The following PRKAG2 variants were observed in gnomAD, a reference collection of about 807,000 sequenced individuals.
PRKAG2 encodes 5'-AMP-activated protein kinase subunit gamma-2.
In PRKAG2, 26 loss-of-function variants were observed where a neutral mutation model predicts 69.6. The observed-to-expected ratio is 0.37, with a 90% CI of 0.27 to 0.52. PRKAG2 has a LOEUF of 0.52. Ranked by LOEUF, PRKAG2 falls within the 20% of genes least tolerant of loss-of-function variation. PRKAG2 has a pLI of 0.90. For missense variants in PRKAG2, 557 were observed against 740.0 expected (o/e 0.75, Z 2.87); for synonymous variants, 293 against 285.0 (o/e 1.03, Z -0.28).
At chr7:151,716,670 T>C (rs1023365734) in intron 3 of PRKAG2, among the ~76,000 whole-genome samples, 1 of 152,152 alleles carries the variant, frequency 6.6e-6, no homozygotes, top group East Asian at 1.9e-4. Context: ...ATAATCAACC[T>C]AAGAATGGGA....
At chr7:151,635,695 G>T (rs1326642632) in intron 4 of PRKAG2, among the ~76,000 whole-genome samples, 2 of 152,070 alleles carry the variant, frequency 1.3e-5, no homozygotes. Context: ...TGGGGTAGGG[G>T]GCCAGAGGTG....
chr7:151,657,862 T>C (rs1295017945), intron 4 of PRKAG2, among the ~76,000 whole-genome samples: 1 of 152,202 alleles, frequency 6.6e-6, no homozygotes, highest in Non-Finnish European at 1.5e-5. Flanking sequence ...ATATTGTGTT[T>C]AAAGAATGAT....
intron 3 of PRKAG2, chr7:151,736,208 CTG>C (rs1799774979): frequency 7.1e-7 from 1 of 1,400,898 alleles, no homozygotes; most frequent in Non-Finnish European, 9.3e-7. Context: ...GCCCCAGAGT[CTG>C]TGAGGCGCCA....
intron 8 of PRKAG2, among the ~76,000 whole-genome samples, chr7:151,573,578 A>G (rs1808208397): frequency 6.6e-6 from 1 of 152,060 alleles, no homozygotes; most frequent in Non-Finnish European, 1.5e-5. Flanking sequence ...GATTTCTTAT[A>G]TGGGATTTGC....
Position 151,777,728 on chromosome 7 carries a change from A to G in PRKAG2, c.466+3424T>C, listed in dbSNP as rs1207443091. Among the ~76,000 whole-genome samples, 4 of 152,180 alleles carry G rather than the reference A, an allele frequency of 2.6e-5. No individual in the cohort carries two copies. The highest frequency in any genetic ancestry group is 9.6e-5 in the African/African-American group (4 of 41,452). ...TCATTACCTGGGCGGAGGCCAAGCT[A>G]ACAAAGGGAGGAATTTAGTTTATAG... is the stretch of plus-strand genomic sequence containing the variant. On this transcript the variant is annotated intron_variant, in intron 3 of 15. Transcript: ENST00000287878. The surrounding 1 kb of genome is among the most constrained non-coding windows in gnomAD (Gnocchi z 4.3).
intron 1 of PRKAG2, among the ~76,000 whole-genome samples, chr7:151,844,309 C>G (rs1012010931): frequency 2.0e-5 from 3 of 152,158 alleles, no homozygotes; most frequent in African/African-American, 7.2e-5. Flanking sequence ...GACCTCATCC[C>G]TAACACCTCG....
intron 1 of PRKAG2, among the ~76,000 whole-genome samples, chr7:151,811,167 A>C (rs992107918): frequency 2.6e-5 from 4 of 152,218 alleles, no homozygotes. Context: ...TCAAAAACTC[A>C]GTTGCTCCCA....
intron 1 of PRKAG2, among the ~76,000 whole-genome samples, chr7:151,833,445 C>A (rs964561752): frequency 6.6e-6 from 1 of 152,146 alleles, no homozygotes; most frequent in Non-Finnish European, 1.5e-5. Flanking sequence ...AGGGTGGAAG[C>A]GGCAGGGAGG....
intron 1 of PRKAG2, among the ~76,000 whole-genome samples, chr7:151,854,880 A>C (rs1434493843): frequency 6.6e-6 from 1 of 151,950 alleles, no homozygotes; most frequent in East Asian, 1.9e-4. Context: ...AGGATGGCTG[A>C]GGGCTCCATA....
rs1309497998 is a variant in PRKAG2 at position 151,583,101 on chromosome 7, G to A, written c.865-6649C>T. 6.6e-6 allele frequency among the ~76,000 whole-genome samples: 1 copy of A among 152,038 alleles called. No homozygotes were observed. Among genetic ancestry groups the A allele is most frequent in the Non-Finnish European group, 1.5e-5 (1 of 68,040 alleles). ...AGTGGTATGATCACGGCTCACTGCA[G>A]CCTCAACCTCGTAGGCTCAAGTGAT... On this transcript the variant is annotated intron_variant, in intron 6 of 15. Coordinates refer to ENST00000287878, the MANE Select transcript of PRKAG2 (RefSeq NM_016203.4). This position sits in a 1 kb window ranked among gnomAD's most constrained non-coding sequence, Gnocchi z 4.1.
At chr7:151,623,190 C>T (rs533135671) in intron 5 of PRKAG2, among the ~76,000 whole-genome samples, 97 of 151,860 alleles carry the variant, frequency 6.4e-4, no homozygotes, top group Non-Finnish European at 2.9e-4. Flanking sequence ...CATGGTAAAA[C>T]CCCGTCTCTA....
intron 3 of PRKAG2, among the ~76,000 whole-genome samples, chr7:151,743,395 T>C (rs1490862094): frequency 6.6e-6 from 1 of 152,156 alleles, no homozygotes; most frequent in African/African-American, 2.4e-5. Flanking sequence ...ATTCTGACAC[T>C]AGGTTTATAA....
At chr7:151,578,928 A>C (rs1311392673) in intron 6 of PRKAG2, among the ~76,000 whole-genome samples, 1 of 152,242 alleles carries the variant, frequency 6.6e-6, no homozygotes, top group Non-Finnish European at 1.5e-5. Context: ...ATTTTAAAAC[A>C]CACTGAATAT....
intron 5 of PRKAG2, among the ~76,000 whole-genome samples, chr7:151,630,075 C>T (rs1443709846): frequency 1.3e-5 from 2 of 152,138 alleles, no homozygotes; most frequent in African/African-American, 4.8e-5. Flanking sequence ...CCTTAAGAAT[C>T]TAGAAAAGTT....
intron 3 of PRKAG2, among the ~76,000 whole-genome samples, chr7:151,681,608 C>G (rs372351913): frequency 6.6e-6 from 1 of 151,676 alleles, no homozygotes; most frequent in African/African-American, 2.4e-5. Flanking sequence ...TTGCACGATG[C>G]CACCCTGTTT....
At chr7:151,706,557 G>C (rs1838642806) in intron 3 of PRKAG2, among the ~76,000 whole-genome samples, 1 of 152,192 alleles carries the variant, frequency 6.6e-6, no homozygotes, top group Non-Finnish European at 1.5e-5. Flanking sequence ...GAAAGCCAGA[G>C]TACGAGCAAC....
chr7:151,804,849 C>A (rs892030343), intron 1 of PRKAG2, among the ~76,000 whole-genome samples: 1 of 152,130 alleles, frequency 6.6e-6, no homozygotes, highest in Admixed American at 6.5e-5. Context: ...GGTTTTGTTG[C>A]GGCTGCTGTT....
At chr7:151,762,370 CAT>C (rs1041620548) in intron 3 of PRKAG2, among the ~76,000 whole-genome samples, 9 of 152,296 alleles carry the variant, frequency 5.9e-5, no homozygotes, top group South Asian at 2.1e-4. Context: ...TACTCACACA[CAT>C]ATGTTAATTC....
Position 151,632,150 on chromosome 7 carries a change from G to A in PRKAG2, c.685-12C>T, listed in dbSNP as rs1824697718. ...GCCGCCAGCGCCGCCTGAGGGGGAG[G>A]AGGAGGACAGCGATCAGCATGAGCT... On this transcript the variant is annotated splice_polypyrimidine_tract_variant and intron_variant, in intron 4 of 15. Coordinates refer to ENST00000287878, the MANE Select transcript of PRKAG2 (RefSeq NM_016203.4). This position sits in a 1 kb window ranked among gnomAD's most constrained non-coding sequence, Gnocchi z 4.2. 2 of 1,386,316 alleles carry A rather than the reference G, an allele frequency of 1.4e-6. No individual in the cohort carries two copies. Among genetic ancestry groups the A allele is most frequent in the African/African-American group, 3.0e-5 (2 of 66,886 alleles). The allele number at this position is 1,386,316 out of a possible 1,614,324, so 85.9% of individuals were successfully genotyped here. A position where few individuals can be genotyped will look rare whatever the true frequency, so the allele number is the denominator to read the frequency against.
Sources: gnomAD v4.1 joint callset for allele counts (sites outside exome capture counted in the v4.1 genomes callset) on GRCh38, gnomAD v4.1.1 for gene constraint, Gnocchi (gnomAD v3.1) non-coding constraint, MANE v1.5 for transcripts, NCBI Gene and HGNC (gene_info 2026-07-23, HGNC 2026-07-21) for gene names.